Variants in KCNQ1 observed in about 807,000 individuals in gnomAD.
The protein encoded by KCNQ1 is potassium voltage-gated channel subfamily Q member 1.
Under a neutral mutation model 72.4 loss-of-function variants are expected in KCNQ1, and 49 were observed. That is an observed-to-expected ratio of 0.68 (90% confidence interval 0.54 to 0.86). The LOEUF (loss-of-function observed/expected upper bound fraction) is 0.86. Among genes scored for constraint, KCNQ1 ranks in the 40% least tolerant of loss-of-function variants. The pLI is 0.00. For missense variants in KCNQ1, 790 were observed against 945.1 expected (o/e 0.84, Z 2.15); for synonymous variants, 450 against 412.6 (o/e 1.09, Z -1.10).
rs1846770650 is a variant in KCNQ1 at position 2,488,019 on chromosome 11, A to G, written c.387-39909A>G. Among the ~76,000 whole-genome samples, 1 of 152,078 alleles carries G rather than the reference A, an allele frequency of 6.6e-6. No individual in the cohort carries two copies. The highest frequency in any genetic ancestry group is 2.1e-4 in the South Asian group (1 of 4,824). ...CTGTGGATTTTCACATATGGTTTTT[A>G]TTATGTTAAGGTAGTTTCCTTCTAT... On this transcript the variant is annotated intron_variant, in intron 1 of 15. Transcript: ENST00000155840. The surrounding 1 kb of genome is among the most constrained non-coding windows in gnomAD (Gnocchi z 5.1).
At chr11:2,610,989 T>G in intron 10 of KCNQ1, 2 of 398,488 alleles carry the variant, frequency 5.0e-6, no homozygotes, top group East Asian at 7.1e-5. Context: ...ACTATTATTG[T>G]TGAGTTGTCT....
At chr11:2,662,376 C>T in intron 11 of KCNQ1, 1 of 540,130 alleles carries the variant, frequency 1.9e-6, no homozygotes. Flanking sequence ...TTCTCTCCCC[C>T]AGCCCCCTCC....
intron 11 of KCNQ1, chr11:2,688,946 T>C: frequency 2.5e-6 from 1 of 398,800 alleles, no homozygotes; most frequent in Non-Finnish European, 4.4e-6. Flanking sequence ...TGTCACCCAC[T>C]GGGCCTAGGG....
Position 2,475,085 on chromosome 11 carries a change from G to A in KCNQ1, c.386+29601G>A, listed in dbSNP as rs577911557. Among the ~76,000 whole-genome samples the A allele has an allele frequency of 3.3e-5, 5 of 152,260 alleles. No individual in the cohort carries two copies. The highest frequency in any genetic ancestry group is 5.9e-5 in the Non-Finnish European group (4 of 68,020). Reference sequence around the variant, plus strand: ...ACTCGCAGTGCTAGGCGTCCGACACGTCTTTCTAATTCCTGAACATTTCCA... The same window carrying A: ...ACTCGCAGTGCTAGGCGTCCGACACATCTTTCTAATTCCTGAACATTTCCA... On this transcript the variant is annotated intron_variant, in intron 1 of 15. Transcript: ENST00000155840. The surrounding 1 kb of genome is among the most constrained non-coding windows in gnomAD (Gnocchi z 5.8).
rs1350612144 is a variant in KCNQ1 at position 2,566,859 on chromosome 11, TA to T, written c.478-3768del. On this transcript the variant is annotated intron_variant, in intron 2 of 15. Coordinates refer to ENST00000155840, the MANE Select transcript of KCNQ1 (RefSeq NM_000218.3). This position sits in a 1 kb window ranked among gnomAD's most constrained non-coding sequence, Gnocchi z 6.7. ...GAGAAGGCCCTGGGGCTGGCCTTGTTATCAGTGGGGGAGTCAGGAAGTACCC... is the reference window on the plus strand; with the variant it reads ...GAGAAGGCCCTGGGGCTGGCCTTGTTTCAGTGGGGGAGTCAGGAAGTACCC... Among the ~76,000 whole-genome samples, 1 of 151,806 alleles carries T rather than the reference TA, an allele frequency of 6.6e-6. No homozygotes were observed. Among genetic ancestry groups the T allele is most frequent in the Non-Finnish European group, 1.5e-5 (1 of 67,948 alleles).
intron 15 of KCNQ1, among the ~76,000 whole-genome samples, chr11:2,823,714 G>A (rs1847785232): frequency 6.6e-6 from 1 of 152,220 alleles, no homozygotes; most frequent in Admixed American, 6.5e-5. Flanking sequence ...CCTGAGGGAG[G>A]TGTTGTTAGA....
chr11:2,516,036 G>T lies in KCNQ1; in HGVS notation c.387-11892G>T, dbSNP rs1377334256. On this transcript the variant is annotated intron_variant, in intron 1 of 15. Coordinates refer to ENST00000155840, the MANE Select transcript of KCNQ1 (RefSeq NM_000218.3). The surrounding 1 kb of genome is among the most constrained non-coding windows in gnomAD (Gnocchi z 7.0). ...TGAGCCCCTGGGCCTATCCGCCCACGCCCAGGCCAGGGCTCCTGCTGGAAT... is the reference window on the plus strand; with the variant it reads ...TGAGCCCCTGGGCCTATCCGCCCACTCCCAGGCCAGGGCTCCTGCTGGAAT... Among the ~76,000 whole-genome samples the T allele has an allele frequency of 6.6e-6, 1 of 152,056 alleles. No individual in the cohort carries two copies. The highest frequency in any genetic ancestry group is 2.4e-5 in the African/African-American group (1 of 41,394).
chr11:2,733,806 ACACACACACTCTCT>A (rs1564875261), intron 11 of KCNQ1, among the ~76,000 whole-genome samples: 2 of 63,062 alleles, frequency 3.2e-5, no homozygotes, highest in Non-Finnish European at 6.6e-5. Context: ...ACACACACAC[ACACACACACTCTCT>A]CACTCTCTCT....
chr11:2,544,883 A>G lies in KCNQ1; in HGVS notation c.477+16865A>G, dbSNP rs898424672. On this transcript the variant is annotated intron_variant, in intron 2 of 15. Coordinates refer to ENST00000155840, the MANE Select transcript of KCNQ1 (RefSeq NM_000218.3). This position sits in a 1 kb window ranked among gnomAD's most constrained non-coding sequence, Gnocchi z 4.4. ...TGAACACTGCTGTGTCCCCAGCCTT[A>G]GAAGACACACATCATTGTTCACCGT... 1.3e-5 allele frequency among the ~76,000 whole-genome samples: 2 copies of G among 152,206 alleles called. No individual in the cohort carries two copies. The highest frequency in any genetic ancestry group is 4.8e-5 in the African/African-American group (2 of 41,454).
intron 11 of KCNQ1, among the ~76,000 whole-genome samples, chr11:2,718,835 G>C (rs747035843): frequency 6.6e-6 from 1 of 152,226 alleles, no homozygotes; most frequent in Admixed American, 6.5e-5. Context: ...CTGAGAGCTG[G>C]CTAGGCAGGC....
intron 10 of KCNQ1, chr11:2,630,888 C>A (rs1849341619): frequency 2.5e-6 from 1 of 398,390 alleles, no homozygotes; most frequent in South Asian, 1.3e-4. Flanking sequence ...TCTTTCAGAA[C>A]TTTGAATATA....
Position 2,477,347 on chromosome 11 carries a change from G to GT in KCNQ1, c.386+31869dup, listed in dbSNP as rs1846585754. Among the ~76,000 whole-genome samples the GT allele has an allele frequency of 6.6e-6, 1 of 152,268 alleles. No homozygotes were observed. The highest frequency in any genetic ancestry group is 2.4e-5 in the African/African-American group (1 of 41,564). Reference sequence around the variant, plus strand: ...ATGCTCTTTACAAAGTCATCAAAAAGTTTTTTCTGGAAAAGCCTCCAGCCC... The same window carrying GT: ...ATGCTCTTTACAAAGTCATCAAAAAGTTTTTTTCTGGAAAAGCCTCCAGCCC... On this transcript the variant is annotated intron_variant, in intron 1 of 15. Transcript: ENST00000155840. This position sits in a 1 kb window ranked among gnomAD's most constrained non-coding sequence, Gnocchi z 5.0.
chr11:2,743,591 C>T (rs1246315576), intron 11 of KCNQ1, among the ~76,000 whole-genome samples: 2 of 152,198 alleles, frequency 1.3e-5, no homozygotes. Context: ...CCCTGCATGG[C>T]CCTATGGGGA....
rs1343588194 is a variant in KCNQ1 at position 2,748,374 on chromosome 11, T to A, written c.1515-20470T>A. Among the ~76,000 whole-genome samples, 1 of 151,796 alleles carries A rather than the reference T, an allele frequency of 6.6e-6. No homozygotes were observed. Among genetic ancestry groups the A allele is most frequent in the East Asian group, 1.9e-4 (1 of 5,170 alleles). On this transcript the variant is annotated intron_variant, in intron 11 of 15. Coordinates refer to ENST00000155840, the MANE Select transcript of KCNQ1 (RefSeq NM_000218.3). The surrounding 1 kb of genome is among the most constrained non-coding windows in gnomAD (Gnocchi z 6.2). ...GCCCCACCTGTCCCAGTAAGGGTGG[T>A]TGTGTGTGTTGGGTAGATGTGGTGA...
At chr11:2,551,177 C>T (rs183982133) in intron 2 of KCNQ1, among the ~76,000 whole-genome samples, 2 of 152,174 alleles carry the variant, frequency 1.3e-5, no homozygotes, top group African/African-American at 4.8e-5. Flanking sequence ...TTCGATGAGT[C>T]CTGGCAAACA....
chr11:2,700,101 C>T (rs1590040778), intron 11 of KCNQ1: 5 of 397,748 alleles, frequency 1.3e-5, no homozygotes, highest in Non-Finnish European at 1.8e-5. Flanking sequence ...CGGCGGGCTG[C>T]TGCACGGATT....
Position 2,661,237 on chromosome 11 carries a change from C to T in KCNQ1, c.1394-724C>T. The T allele has an allele frequency of 2.5e-6, 1 of 399,072 alleles. No homozygotes were observed. Among genetic ancestry groups the T allele is most frequent in the Non-Finnish European group, 4.4e-6 (1 of 226,494 alleles). 24.7% of individuals were successfully genotyped at this position (399,072 alleles called of 1,614,324 possible). A position where few individuals can be genotyped will look rare whatever the true frequency, so the allele number is the denominator to read the frequency against. On this transcript the variant is annotated intron_variant, in intron 10 of 15. Transcript: ENST00000155840. The surrounding 1 kb of genome is among the most constrained non-coding windows in gnomAD (Gnocchi z 5.9). ...CACTTCTCACAGATGAGTACTTAAT[C>T]CTTTTGCAATAAAATATTTAAATGA...
intron 11 of KCNQ1, among the ~76,000 whole-genome samples, chr11:2,732,574 C>A (rs539436437): frequency 6.6e-6 from 1 of 152,216 alleles, no homozygotes; most frequent in African/African-American, 2.4e-5. Context: ...ACAGCAGGCG[C>A]GAGCGAAGGG....
chr11:2,652,284 A>G lies in KCNQ1; in HGVS notation c.1394-9677A>G. ...TCTGAGAACATCTGCACCGGTTTCCAAGGCTTCTCCCTCACTAATTGCTTT... is the reference window on the plus strand; with the variant it reads ...TCTGAGAACATCTGCACCGGTTTCCGAGGCTTCTCCCTCACTAATTGCTTT... On this transcript the variant is annotated intron_variant, in intron 10 of 15. Coordinates refer to ENST00000155840, the MANE Select transcript of KCNQ1 (RefSeq NM_000218.3). This position sits in a 1 kb window ranked among gnomAD's most constrained non-coding sequence, Gnocchi z 5.9. 2.5e-6 allele frequency: 1 copy of G among 398,684 alleles called. No individual in the cohort carries two copies. The highest frequency in any genetic ancestry group is 1.3e-4 in the South Asian group (1 of 7,860). 24.7% of individuals were successfully genotyped at this position (398,684 alleles called of 1,614,324 possible). A position where few individuals can be genotyped will look rare whatever the true frequency, so the allele number is the denominator to read the frequency against.
Sources: gnomAD v4.1 joint callset for allele counts (sites outside exome capture counted in the v4.1 genomes callset) on GRCh38, gnomAD v4.1.1 for gene constraint, Gnocchi (gnomAD v3.1) non-coding constraint, MANE v1.5 for transcripts, NCBI Gene and HGNC (gene_info 2026-07-23, HGNC 2026-07-21) for gene names.